The following NOSTRIN variants were observed in gnomAD, a reference collection of about 807,000 sequenced individuals.
NOSTRIN encodes the protein BM247 homolog.
NOSTRIN carries 63 observed loss-of-function variants against 59.0 expected under a neutral mutation model. The ratio of observed to expected loss-of-function variants is 1.07; its 90% confidence interval spans 0.87 to 1.32. NOSTRIN has a LOEUF of 1.32. Ranked by LOEUF, NOSTRIN falls within the 40% of genes most tolerant of loss-of-function variation. NOSTRIN has a pLI of 0.00. For synonymous variants in NOSTRIN, 200 were observed against 165.4 expected (o/e 1.21, Z -1.61); for missense variants, 512 against 473.1 (o/e 1.08, Z -0.76).
chr2:168,837,884 C>T (rs1245518692), intron 7 of NOSTRIN, among the ~76,000 whole-genome samples: 2 of 152,140 alleles, frequency 1.3e-5, no homozygotes, highest in Non-Finnish European at 2.9e-5. Context: ...TTATTTTCCT[C>T]CTACTTTCTG....
chr2:168,862,203 G>A (rs1187124723), intron 15 of NOSTRIN, among the ~76,000 whole-genome samples, 154 bp downstream of exon 15: 20 of 152,204 alleles, frequency 1.3e-4, no homozygotes, highest in Admixed American at 1.3e-3. Flanking sequence ...ACAAAAGCTC[G>A]CATAATGATA....
intron 15 of NOSTRIN, chr2:168,863,519 A>C (rs1334439824): frequency 1.0e-6 from 1 of 985,274 alleles, no homozygotes; most frequent in Non-Finnish European, 1.2e-6. Context: ...GACAAGAGCC[A>C]TGTTTCTTGT....
In NOSTRIN at chr2:168,828,141, C is replaced by A; in HGVS notation, c.198-17C>A. ...AAATGACACTCACCTTTGTTCCCCA[C>A]TTTTTTTTGCCTTTAGTTGTGTTAG... On this transcript the variant is annotated splice_polypyrimidine_tract_variant and intron_variant, in intron 3 of 15. Coordinates refer to ENST00000317647, the MANE Select transcript of NOSTRIN (RefSeq NM_001039724.4). 1 of 870,910 alleles carries A rather than the reference C, an allele frequency of 1.1e-6. No homozygotes were observed. The highest frequency in any genetic ancestry group is 2.0e-6 in the Non-Finnish European group (1 of 500,604). 53.9% of individuals were successfully genotyped at this position (870,910 alleles called of 1,614,324 possible). A position where few individuals can be genotyped will look rare whatever the true frequency, so the allele number is the denominator to read the frequency against.
At chr2:168,834,483 A>G (rs1041197073) in intron 7 of NOSTRIN, among the ~76,000 whole-genome samples, 158 bp downstream of exon 7, 1 of 87,000 alleles carries the variant, frequency 1.1e-5, no homozygotes, top group Non-Finnish European at 2.3e-5. Context: ...CCAAATCATT[A>G]CTGGCGTGCG....
At chr2:168,800,888 T>C (rs1199543343), upstream of NOSTRIN, among the ~76,000 whole-genome samples, 1 of 146,218 alleles carries the variant, frequency 6.8e-6, no homozygotes, top group African/African-American at 2.5e-5. Context: ...CCTCAGTCTA[T>C]ATCCTGTCTC....
intron 2 of NOSTRIN, among the ~76,000 whole-genome samples, chr2:168,789,947 G>A (rs533229897): frequency 1.3e-4 from 20 of 152,338 alleles, no homozygotes; most frequent in Admixed American, 2.0e-4. Context: ...CCCACAGGCC[G>A]TGGGAAATAT....
intron 7 of NOSTRIN, among the ~76,000 whole-genome samples, chr2:168,839,454 T>G (rs1185429550): frequency 6.6e-6 from 1 of 152,168 alleles, no homozygotes; most frequent in African/African-American, 2.4e-5. Flanking sequence ...TCTTGTTCCA[T>G]TTTCTATTCC....
At chr2:168,789,103 G>A (rs1685279927) in intron 2 of NOSTRIN, among the ~76,000 whole-genome samples, 2 of 152,144 alleles carry the variant, frequency 1.3e-5, no homozygotes, top group South Asian at 4.2e-4. Context: ...ACCAAGAGGT[G>A]GGCAGGGAAA....
At chr2:168,841,850 T>C (rs1688127340) in intron 7 of NOSTRIN, among the ~76,000 whole-genome samples, 1 of 152,216 alleles carries the variant, frequency 6.6e-6, no homozygotes. Flanking sequence ...TGTCTATGTT[T>C]ATGCTTAGGT....
chr2:168,808,373 C>T (rs1459528875), intron 1 of NOSTRIN, among the ~76,000 whole-genome samples: 2 of 152,198 alleles, frequency 1.3e-5, no homozygotes, highest in Admixed American at 1.3e-4. Flanking sequence ...CCTGCTTCCC[C>T]TAATGGGAGG....
At chr2:168,820,374 G>T (rs498488) in intron 2 of NOSTRIN, among the ~76,000 whole-genome samples, 1 of 152,074 alleles carries the variant, frequency 6.6e-6, no homozygotes, top group Non-Finnish European at 1.5e-5. Flanking sequence ...CCAGAATGAC[G>T]CCTGGCACGT....
intron 15 of NOSTRIN, chr2:168,863,727 G>C (rs1336346240): frequency 1.3e-5 from 11 of 879,530 alleles, no homozygotes; most frequent in Non-Finnish European, 2.7e-6. Flanking sequence ...ACATTGTCTT[G>C]ATCTTAAGAA....
intron 12 of NOSTRIN, among the ~76,000 whole-genome samples, chr2:168,857,789 CCTAA>C (rs1417086366): frequency 1.3e-5 from 2 of 152,128 alleles, no homozygotes; most frequent in South Asian, 2.1e-4. Context: ...TTGCTTATAG[CCTAA>C]CTTTCTTGTG....
upstream of NOSTRIN, among the ~76,000 whole-genome samples, chr2:168,796,677 C>T (rs1685486539): frequency 6.6e-6 from 1 of 152,186 alleles, no homozygotes; most frequent in African/African-American, 2.4e-5. Flanking sequence ...CAAGAAAGTT[C>T]TCTAAGTGGC....
chr2:168,828,609 C>A, intron 5 of NOSTRIN, 108 bp downstream of exon 5: 6 of 463,800 alleles, frequency 1.3e-5, no homozygotes, highest in Admixed American at 7.1e-5. Context: ...AGGAATTTAT[C>A]CTAAAAATAA....
rs539948314 is a variant in NOSTRIN at position 168,856,749 on chromosome 2, C to T, written c.1024C>T (p.Gln342Ter). Residue 342 changes from glutamine (Q) to a stop codon, truncating the protein, a stop_gained, in exon 12 of 16, where the codon CAG becomes TAG. Coordinates refer to ENST00000317647, the MANE Select transcript of NOSTRIN (RefSeq NM_001039724.4). LOFTEE classifies it high-confidence loss of function. ...CTCCTCCTTCTCTGATGCAAAGAGC[C>T]AGAAAGACACAGCAGCGTTAATGGA... ...STSSFSDAKSQKDTAALMDEN... is the reference protein window; with the variant it reads ...STSSFSDAKS 5.6e-6 allele frequency: 9 copies of T among 1,614,106 alleles called. No individual in the cohort carries two copies. In the South Asian group the frequency reaches 9.9e-5, roughly 18 times the overall value.
chr2:168,846,386 C>G (rs554691477), intron 8 of NOSTRIN, among the ~76,000 whole-genome samples: 5 of 152,264 alleles, frequency 3.3e-5, no homozygotes, highest in African/African-American at 1.2e-4. Context: ...ACGAAGTGTT[C>G]TCTTATTCCT....
At chr2:168,862,403 A>AAAC (rs1181828942) in intron 15 of NOSTRIN, among the ~76,000 whole-genome samples, 1 of 152,036 alleles carries the variant, frequency 6.6e-6, no homozygotes, top group East Asian at 1.9e-4. Flanking sequence ...TTGAACTTGG[A>AAAC]AACACAGTCA....
rs776308449 is a variant in NOSTRIN at position 168,834,288 on chromosome 2, G to A, written c.467G>A (p.Ser156Asn). ...GAAGCACTTTTCCAGCTTGTAGAAA[G>A]CTCCAAGCAATCTATGACTGAGAAG... ...KHEALFQLVE[S>N]SKQSMTEKEK... Residue 156 changes from serine to asparagine, a missense_variant, in exon 7 of 16, where the codon AGC becomes AAC. Transcript: ENST00000317647. 1.0e-5 allele frequency: 9 copies of A among 872,784 alleles called. No individual in the cohort carries two copies. The highest frequency in any genetic ancestry group is 1.8e-5 in the Non-Finnish European group (9 of 501,670). The allele number at this position is 872,784 out of a possible 1,614,324, so 54.1% of individuals were successfully genotyped here.
Sources: gnomAD v4.1 joint callset for allele counts (sites outside exome capture counted in the v4.1 genomes callset) on GRCh38, gnomAD v4.1.1 for gene constraint, MANE v1.5 for transcripts, NCBI Gene and HGNC (gene_info 2026-07-23, HGNC 2026-07-21) for gene names.